The following RCAN1 variants were observed in gnomAD, a reference collection of about 807,000 sequenced individuals.
The protein encoded by RCAN1 is regulator of calcineurin 1, also known as calcipressin-1.
Under a neutral mutation model 22.9 loss-of-function variants are expected in RCAN1, and 11 were observed. That is an observed-to-expected ratio of 0.48 (90% CI 0.30 to 0.79). The LOEUF is 0.79. RCAN1 is among the 30% of genes least tolerant of loss of function. The probability of loss-of-function intolerance (pLI) is 0.06; values close to 1 mark genes in which losing one functional copy is unlikely to be tolerated. For synonymous variants in RCAN1, 136 were observed against 142.3 expected, an observed-to-expected ratio of 0.96 and a Z score of 0.32; for missense variants, 291 against 337.8, an observed-to-expected ratio of 0.86 and a Z score of 1.09.
At chr21:34,525,167 A>G in intron 1 of RCAN1, 1 of 1,550,524 alleles carries the variant, frequency 6.4e-7, no homozygotes, top group South Asian at 1.2e-5. Context: ...GTCTTCAGGA[A>G]TGTTCACTGC....
intron 1 of RCAN1, 53 bp from the exon 2 acceptor site, chr21:34,523,763 C>T (rs995549549): frequency 1.4e-6 from 2 of 1,427,022 alleles, no homozygotes; most frequent in Admixed American, 4.0e-5. Context: ...GCATATGACC[C>T]TTGACTAGAT....
At chr21:34,546,394 T>C (rs964896795) in intron 1 of RCAN1, among the ~76,000 whole-genome samples, 4 of 151,552 alleles carry the variant, frequency 2.6e-5, no homozygotes, top group African/African-American at 7.3e-5. Flanking sequence ...TTTTTAGAAA[T>C]GTAAAAACTA....
At chr21:34,519,691 C>T (rs368951929) in intron 3 of RCAN1, among the ~76,000 whole-genome samples, 45 of 152,128 alleles carry the variant, frequency 3.0e-4, no homozygotes, top group Non-Finnish European at 5.4e-4. Flanking sequence ...GCCACCGCGC[C>T]CGGCCTGTGC....
intron 3 of RCAN1, 171 bp downstream of exon 3, chr21:34,521,328 C>A (rs567943834): frequency 1.3e-4 from 200 of 1,489,966 alleles, no homozygotes; most frequent in Non-Finnish European, 1.7e-4. Context: ...TGCCAAGAGG[C>A]AGGCATGCTC....
rs757906588 is a variant in RCAN1, at chr21:34,614,866, C to T, written c.146G>A (p.Trp49Ter). 2.0e-6 allele frequency: 3 copies of T among 1,466,596 alleles called. No homozygotes were observed. Among genetic ancestry groups the T allele is most frequent in the Non-Finnish European group, 9.0e-7 (1 of 1,105,928 alleles). 90.8% of individuals were successfully genotyped at this position (1,466,596 alleles called of 1,614,324 possible). Residue 49 changes from tryptophan to a stop codon, truncating the protein, a stop_gained, in exon 1 of 4, where the codon TGG becomes TAG. Transcript: ENST00000313806. LOFTEE classifies it high-confidence loss of function. The surrounding 1 kb of genome is among the most constrained non-coding windows in gnomAD (Gnocchi z 6.0). ...CTCCATCTCGCAGTCAATGAAGCTC[C>T]AGTCGCCGCCGCCCTCGTCCGCCTC... The part of the protein sequence containing the change: ...AAEADEGGGD[W>*]SFIDCEMEEV...
chr21:34,611,089 A>G (rs1568936397), intron 1 of RCAN1, among the ~76,000 whole-genome samples: 1 of 152,238 alleles, frequency 6.6e-6, no homozygotes, highest in Non-Finnish European at 1.5e-5. Context: ...ACGGAATATT[A>G]TCTGAGAACT....
intron 1 of RCAN1, among the ~76,000 whole-genome samples, chr21:34,593,174 T>C (rs1988028211): frequency 6.6e-6 from 1 of 152,224 alleles, no homozygotes; most frequent in South Asian, 2.1e-4. Context: ...GAGAAGCTCA[T>C]TATAAAATAG....
At chr21:34,536,601 T>C (rs1285260540) in intron 1 of RCAN1, among the ~76,000 whole-genome samples, 5 of 152,186 alleles carry the variant, frequency 3.3e-5, no homozygotes, top group Non-Finnish European at 7.3e-5. Context: ...CAGCATTCCA[T>C]ACTCTCCTTA....
At chr21:34,554,124 G>A (rs1196062367) in intron 1 of RCAN1, among the ~76,000 whole-genome samples, 1 of 152,180 alleles carries the variant, frequency 6.6e-6, no homozygotes, top group Non-Finnish European at 1.5e-5. Flanking sequence ...CTCTCGGGAG[G>A]AGAGTAAACA....
chr21:34,573,236 T>C, intron 1 of RCAN1, among the ~76,000 whole-genome samples: 1 of 152,326 alleles, frequency 6.6e-6, no homozygotes, highest in Non-Finnish European at 1.5e-5. Flanking sequence ...ACATCCTTTT[T>C]TTCTCGGTTC....
At chr21:34,592,074 G>C (rs905491395) in intron 1 of RCAN1, among the ~76,000 whole-genome samples, 1 of 152,218 alleles carries the variant, frequency 6.6e-6, no homozygotes, top group Non-Finnish European at 1.5e-5. Flanking sequence ...CAGCATTTCA[G>C]ATCTGTCTTA....
intron 1 of RCAN1, among the ~76,000 whole-genome samples, chr21:34,544,783 C>T (rs189965743): frequency 5.9e-5 from 9 of 152,270 alleles, no homozygotes; most frequent in African/African-American, 2.2e-4. Flanking sequence ...CAGGAAGCAC[C>T]CGCCTCGGGT....
chr21:34,561,973 CT>C (rs1288404838), intron 1 of RCAN1, among the ~76,000 whole-genome samples: 1 of 152,168 alleles, frequency 6.6e-6, no homozygotes, highest in Non-Finnish European at 1.5e-5. Context: ...CAGAAAATCC[CT>C]GGTCATTTAT....
At chr21:34,583,180 T>G (rs1259646035) in intron 1 of RCAN1, among the ~76,000 whole-genome samples, 1 of 29,764 alleles carries the variant, frequency 3.4e-5, no homozygotes, top group African/African-American at 7.9e-5. Context: ...GATAGGGCCT[T>G]TTTTTTTTTT....
chr21:34,610,527 T>A (rs1206288709), intron 1 of RCAN1, among the ~76,000 whole-genome samples: 3 of 152,192 alleles, frequency 2.0e-5, no homozygotes, highest in Admixed American at 1.3e-4. Flanking sequence ...GGGTAAGTCA[T>A]CTAGCTAGAA....
intron 1 of RCAN1, among the ~76,000 whole-genome samples, chr21:34,586,369 C>T (rs1487133085): frequency 6.8e-6 from 1 of 147,964 alleles, no homozygotes; most frequent in Non-Finnish European, 1.5e-5. Flanking sequence ...AATGGAATTA[C>T]TCTAGGAATC....
intron 1 of RCAN1, among the ~76,000 whole-genome samples, chr21:34,536,641 G>A (rs1462370147): frequency 2.0e-5 from 3 of 150,756 alleles, no homozygotes; most frequent in African/African-American, 5.0e-5. Flanking sequence ...GGAGGCTGGC[G>A]CAGTGAGGGG....
At chr21:34,525,849 C>T (rs1005268659) in intron 1 of RCAN1, among the ~76,000 whole-genome samples, 3 of 152,154 alleles carry the variant, frequency 2.0e-5, no homozygotes, top group Admixed American at 2.0e-4. Context: ...AGTCCAAACA[C>T]TATGGTGCGA....
At chr21:34,573,925 G>A (rs1466783786) in intron 1 of RCAN1, among the ~76,000 whole-genome samples, 2 of 152,146 alleles carry the variant, frequency 1.3e-5, no homozygotes, top group Non-Finnish European at 2.9e-5. Context: ...AACATATAAA[G>A]GAGGAAAATA....
Sources: gnomAD v4.1 joint callset for allele counts (sites outside exome capture counted in the v4.1 genomes callset) on GRCh38, gnomAD v4.1.1 for gene constraint, Gnocchi (gnomAD v3.1) non-coding constraint, MANE v1.5 for transcripts, NCBI Gene and HGNC (gene_info 2026-07-23, HGNC 2026-07-21) for gene names.